Variants in FHIT observed in about 807,000 individuals in gnomAD.
FHIT encodes bis(5'-adenosyl)-triphosphatase.
Under a neutral mutation model 17.9 loss-of-function variants are expected in FHIT, and 19 were observed. The observed-to-expected ratio is 1.06, with a 90% CI of 0.74 to 1.56. The LOEUF (loss-of-function observed/expected upper bound fraction) is 1.56, where lower values mean the gene tolerates loss of function less well. Ranked by LOEUF, FHIT falls within the 40% of genes most tolerant of loss-of-function variation. FHIT has a pLI of 0.00. For synonymous variants in FHIT, 81 were observed against 69.7 expected, an observed-to-expected ratio of 1.16 and a Z score of -0.81; for missense variants, 248 against 189.2, an observed-to-expected ratio of 1.31 and a Z score of -1.82.
rs115047689 is a variant in FHIT, at chr3:61,148,807, A to G, written c.-164+51810T>C. ...TTATTTTATTTTAACAGTATATTTAAAAATTCATAACTTATTGGTTTCAAT... is the reference window on the plus strand; with the variant it reads ...TTATTTTATTTTAACAGTATATTTAGAAATTCATAACTTATTGGTTTCAAT... On this transcript the variant is annotated intron_variant, in intron 2 of 9. Coordinates refer to ENST00000492590, the MANE Select transcript of FHIT (RefSeq NM_002012.4). Among the ~76,000 whole-genome samples the G allele has an allele frequency of 1.5e-3, 235 of 152,312 alleles. 1 individual carries two copies. Among genetic ancestry groups the G allele is most frequent in the Non-Finnish European group, 2.8e-3 (193 of 68,020 alleles).
intron 4 of FHIT, among the ~76,000 whole-genome samples, chr3:60,539,551 C>G (rs1413907756): frequency 1.3e-5 from 2 of 152,192 alleles, no homozygotes; most frequent in African/African-American, 4.8e-5. Flanking sequence ...CCCAAATGTC[C>G]AACAGTGATA....
chr3:59,788,030 C>T (rs1292529969), intron 8 of FHIT, among the ~76,000 whole-genome samples: 2 of 152,236 alleles, frequency 1.3e-5, no homozygotes, highest in Non-Finnish European at 2.9e-5. Context: ...TGGTTTCTCA[C>T]TGCCAATCAA....
At chr3:61,115,335 G>C (rs1159775130) in intron 2 of FHIT, among the ~76,000 whole-genome samples, 2 of 152,110 alleles carry the variant, frequency 1.3e-5, no homozygotes, top group Non-Finnish European at 2.9e-5. Flanking sequence ...AGGTATCACT[G>C]TGTCTAGAGA....
At chr3:60,007,121 T>C (rs1423169402) in intron 7 of FHIT, among the ~76,000 whole-genome samples, 1 of 152,140 alleles carries the variant, frequency 6.6e-6, no homozygotes, top group East Asian at 1.9e-4. Context: ...GATTCCAGAT[T>C]ACCTGCCTGG....
chr3:61,128,836 T>C (rs1381266150), intron 2 of FHIT, among the ~76,000 whole-genome samples: 1 of 152,150 alleles, frequency 6.6e-6, no homozygotes, highest in African/African-American at 2.4e-5. Flanking sequence ...TACTACCTGT[T>C]TTTCTTCCTC....
chr3:59,915,248 A>T (rs1220960658), intron 8 of FHIT, among the ~76,000 whole-genome samples: 1 of 152,212 alleles, frequency 6.6e-6, no homozygotes, highest in East Asian at 1.9e-4. Context: ...ACTCTGCACA[A>T]GAAAGCCTGA....
At chr3:60,748,197 G>A (rs1366780754) in intron 4 of FHIT, among the ~76,000 whole-genome samples, 1 of 152,106 alleles carries the variant, frequency 6.6e-6, no homozygotes, top group African/African-American at 2.4e-5. Context: ...AGATAAGAAG[G>A]AAGTTTGCAG....
intron 8 of FHIT, among the ~76,000 whole-genome samples, chr3:59,845,132 T>G (rs1701672531): frequency 6.6e-6 from 1 of 152,170 alleles, no homozygotes; most frequent in Non-Finnish European, 1.5e-5. Flanking sequence ...GATAGCAATG[T>G]CCTCACTTTC....
chr3:60,277,953 C>T (rs1253240890), intron 5 of FHIT, among the ~76,000 whole-genome samples: 1 of 152,102 alleles, frequency 6.6e-6, no homozygotes, highest in Admixed American at 6.5e-5. Context: ...AAATTAATGA[C>T]TTTTTTAGAT....
At chr3:60,837,571 T>C (rs1225644142) in intron 3 of FHIT, among the ~76,000 whole-genome samples, 4 of 152,146 alleles carry the variant, frequency 2.6e-5, no homozygotes, top group African/African-American at 9.7e-5. Context: ...CTTCCCTGTA[T>C]TATAAGTGGT....
At chr3:60,384,034 C>T (rs1700908221) in intron 5 of FHIT, among the ~76,000 whole-genome samples, 1 of 151,970 alleles carries the variant, frequency 6.6e-6, no homozygotes, top group African/African-American at 2.4e-5. Flanking sequence ...CTTTGGGAGG[C>T]CGAGGTGGGT....
chr3:60,775,565 G>A (rs1330273664), intron 4 of FHIT, among the ~76,000 whole-genome samples: 1 of 152,142 alleles, frequency 6.6e-6, no homozygotes, highest in Non-Finnish European at 1.5e-5. Context: ...AAATTTTCGT[G>A]GCTGTGGGAC....
chr3:60,744,246 T>TAAAAAAAAAAAAAAAAAAAAAAAAAAAAA (rs368982395), intron 4 of FHIT, among the ~76,000 whole-genome samples: 1 of 30,918 alleles, frequency 3.2e-5, no homozygotes, highest in African/African-American at 2.0e-4. Flanking sequence ...GGAAGTAATG[T>TAAAAAAAAAAAAAAAAAAAAAAAAAAAAA]AAAAAAAAAA....
intron 3 of FHIT, among the ~76,000 whole-genome samples, chr3:60,963,014 C>A (rs1026461754): frequency 6.6e-6 from 1 of 152,154 alleles, no homozygotes; most frequent in Non-Finnish European, 1.5e-5. Flanking sequence ...GTACCCGCTC[C>A]TCTTTGTACC....
At chr3:59,807,113 T>C (rs546076867) in intron 8 of FHIT, among the ~76,000 whole-genome samples, 2 of 152,170 alleles carry the variant, frequency 1.3e-5, no homozygotes, top group Non-Finnish European at 2.9e-5. Flanking sequence ...CACAGATTTC[T>C]CTATGAGAGC....
rs556168234 is a variant in FHIT at position 60,286,129 on chromosome 3, C to G, written c.103+250731G>C. Among the ~76,000 whole-genome samples, 8 of 152,266 alleles carry G rather than the reference C, an allele frequency of 5.3e-5. No individual in the cohort carries two copies. The East Asian group carries it at 1.2e-3, about 22-fold the overall frequency. ...AGTGCATCCTACTCTATTCTCTATC[C>G]TAGTTTCAACAGAAGGAAGAGAAAA... On this transcript the variant is annotated intron_variant, in intron 5 of 9. Transcript: ENST00000492590.
chr3:59,802,748 T>A (rs1700049867), intron 8 of FHIT, among the ~76,000 whole-genome samples: 1 of 152,140 alleles, frequency 6.6e-6, no homozygotes, highest in South Asian at 2.1e-4. Context: ...GACAATTGTT[T>A]TATGTGCCCA....
intron 5 of FHIT, among the ~76,000 whole-genome samples, chr3:60,512,622 C>T (rs1039487278): frequency 6.6e-6 from 1 of 152,178 alleles, no homozygotes; most frequent in Non-Finnish European, 1.5e-5. Context: ...CATCAACTAA[C>T]CAAATGGTGA....
intron 3 of FHIT, among the ~76,000 whole-genome samples, chr3:60,823,512 G>A (rs980366153): frequency 3.9e-5 from 6 of 152,210 alleles, no homozygotes; most frequent in South Asian, 2.1e-4. Context: ...GAGAAGGAAC[G>A]CCATGTGAGA....
Sources: gnomAD v4.1 joint callset for allele counts (sites outside exome capture counted in the v4.1 genomes callset) on GRCh38, gnomAD v4.1.1 for gene constraint, MANE v1.5 for transcripts, NCBI Gene and HGNC (gene_info 2026-07-23, HGNC 2026-07-21) for gene names.